Variants in CACNA2D1 observed in about 807,000 individuals in gnomAD.
The protein encoded by CACNA2D1 is voltage-dependent calcium channel subunit alpha-2/delta-1.
A neutral mutation model predicts 171.5 loss-of-function variants in CACNA2D1; 53 were observed. The observed-to-expected ratio is 0.31, with a 90% CI of 0.25 to 0.39. The LOEUF is 0.39. Ranked by LOEUF, CACNA2D1 falls within the 10% of genes least tolerant of loss-of-function variation. The pLI, the probability that CACNA2D1 is intolerant of heterozygous loss-of-function variation, is 1.00. For missense variants in CACNA2D1, 903 were observed against 1,299.8 expected (o/e 0.69, Z 4.69); for synonymous variants, 442 against 443.1 (o/e 1.00, Z 0.03).
At chr7:82,429,786 G>A (rs768064771) in intron 1 of CACNA2D1, among the ~76,000 whole-genome samples, 6 of 151,394 alleles carry the variant, frequency 4.0e-5, no homozygotes, top group Admixed American at 6.6e-5. Context: ...CAATCCTCTG[G>A]GAACTAAGCT....
At chr7:82,247,215 A>G (rs1397245142) in intron 3 of CACNA2D1, among the ~76,000 whole-genome samples, 1 of 152,172 alleles carries the variant, frequency 6.6e-6, no homozygotes, top group African/African-American at 2.4e-5. Flanking sequence ...GGAAATGAAA[A>G]TAGAAAGACC....
chr7:82,090,329 A>C (rs1403011127), intron 6 of CACNA2D1, among the ~76,000 whole-genome samples: 1 of 152,124 alleles, frequency 6.6e-6, no homozygotes, highest in Non-Finnish European at 1.5e-5. Context: ...CTTACTGAAA[A>C]TATAAAATAA....
chr7:82,357,735 T>G lies in CACNA2D1; in HGVS notation c.96-8086A>C, dbSNP rs193158834. Among the ~76,000 whole-genome samples the G allele has an allele frequency of 6.5e-3, 958 of 146,702 alleles. 14 individuals carry two copies. Among genetic ancestry groups the G allele is most frequent in the African/African-American group, 0.022 (891 of 39,972 alleles). On this transcript the variant is annotated intron_variant, in intron 1 of 38. Transcript: ENST00000356860. ...GTGGGGTGGGGGGTGGGGGGAGGGA[T>G]AGCATTAGGAGATATACCTAACGCT... is the stretch of plus-strand genomic sequence containing the variant.
chr7:82,385,412 C>T (rs1200608389), intron 1 of CACNA2D1, among the ~76,000 whole-genome samples: 4 of 152,098 alleles, frequency 2.6e-5, no homozygotes, highest in South Asian at 2.1e-4. Context: ...ATGCTCATGA[C>T]GATAAATGAA....
At chr7:82,233,587 A>T (rs1424762914) in intron 3 of CACNA2D1, among the ~76,000 whole-genome samples, 1 of 152,154 alleles carries the variant, frequency 6.6e-6, no homozygotes, top group Non-Finnish European at 1.5e-5. Context: ...GATCAAGTGA[A>T]GTACACCAGA....
chr7:82,046,279 C>G (rs933466828), intron 10 of CACNA2D1, among the ~76,000 whole-genome samples: 1 of 151,734 alleles, frequency 6.6e-6, no homozygotes, highest in Non-Finnish European at 1.5e-5. Context: ...GTCGTTAATC[C>G]CTGTCCAGGG....
chr7:81,975,020 CT>C (rs1470031130), intron 24 of CACNA2D1, among the ~76,000 whole-genome samples: 2 of 149,622 alleles, frequency 1.3e-5, no homozygotes, highest in East Asian at 4.0e-4. Context: ...TATCCCTGAA[CT>C]TAAAATAAAA....
chr7:81,957,318 T>TTTAC (rs1793518767), intron 38 of CACNA2D1, among the ~76,000 whole-genome samples: 2 of 152,110 alleles, frequency 1.3e-5, no homozygotes, highest in Admixed American at 6.6e-5. Context: ...AAATCAGCTA[T>TTTAC]TTACAAAACA....
intron 7 of CACNA2D1, among the ~76,000 whole-genome samples, chr7:82,080,744 C>G (rs532763650): frequency 6.6e-6 from 1 of 152,256 alleles, no homozygotes; most frequent in Admixed American, 6.5e-5. Context: ...AGTTTCACTA[C>G]GTGGTGTTAT....
At chr7:82,165,213 C>T (rs747615233) in intron 4 of CACNA2D1, among the ~76,000 whole-genome samples, 12 of 151,970 alleles carry the variant, frequency 7.9e-5, no homozygotes, top group Non-Finnish European at 1.6e-4. Flanking sequence ...TTTAACTTTT[C>T]CCTCCTTTCC....
chr7:82,344,358 C>A (rs966778905), intron 2 of CACNA2D1, among the ~76,000 whole-genome samples: 2 of 152,192 alleles, frequency 1.3e-5, no homozygotes, highest in Non-Finnish European at 2.9e-5. Flanking sequence ...TGGCTGAGAA[C>A]CATTGCACTA....
intron 21 of CACNA2D1, among the ~76,000 whole-genome samples, chr7:81,986,943 T>A (rs1797036058): frequency 6.6e-6 from 1 of 152,178 alleles, no homozygotes; most frequent in Non-Finnish European, 1.5e-5. Context: ...TATTGCCCCA[T>A]CAGCATTTAT....
chr7:82,113,178 T>C (rs542826062), intron 6 of CACNA2D1, among the ~76,000 whole-genome samples: 2 of 152,242 alleles, frequency 1.3e-5, no homozygotes, highest in African/African-American at 4.8e-5. Flanking sequence ...CCCTCATTAA[T>C]GTTATTCTTA....
At position 82,443,633 on chromosome 7, in the gene CACNA2D1, C is replaced by T. The variant is rs957006720; in HGVS notation, c.-174G>A. 2.6e-4 allele frequency: 343 copies of T among 1,312,350 alleles called. No homozygotes were observed. The African/African-American group carries it at 4.8e-3, about 18-fold the overall frequency. The allele number at this position is 1,312,350 out of a possible 1,614,324, so 81.3% of individuals were successfully genotyped here. A position where few individuals can be genotyped will look rare whatever the true frequency, so the allele number is the denominator to read the frequency against. ...GCGCGGGGGACGGCAAGGGCGGGAGCGGACGCCGAGGAAGGGGCGGTGGCG... is the reference window on the plus strand; with the variant it reads ...GCGCGGGGGACGGCAAGGGCGGGAGTGGACGCCGAGGAAGGGGCGGTGGCG... On this transcript the variant is annotated 5_prime_UTR_variant, in exon 1 of 39. Transcript: ENST00000356860.
chr7:82,143,896 G>C (rs562372202), intron 4 of CACNA2D1, among the ~76,000 whole-genome samples: 15 of 152,166 alleles, frequency 9.9e-5, no homozygotes, highest in African/African-American at 3.4e-4. Context: ...AAACATGTAG[G>C]GTTCTTTGGT....
intron 1 of CACNA2D1, among the ~76,000 whole-genome samples, chr7:82,439,662 C>T (rs1585972000): frequency 6.6e-6 from 1 of 151,102 alleles, no homozygotes. Flanking sequence ...ATCCAAATAG[C>T]TACACATATA....
intron 1 of CACNA2D1, among the ~76,000 whole-genome samples, chr7:82,411,478 A>G (rs921782884): frequency 8.5e-5 from 13 of 152,234 alleles, no homozygotes; most frequent in African/African-American, 3.1e-4. Flanking sequence ...AATAGATGAC[A>G]CCAATTATTA....
chr7:82,173,244 A>G (rs914307554), intron 3 of CACNA2D1, among the ~76,000 whole-genome samples: 4 of 152,130 alleles, frequency 2.6e-5, no homozygotes, highest in African/African-American at 9.7e-5. Flanking sequence ...ATTCCCTAGG[A>G]GGAAGATAGT....
chr7:82,291,661 A>ATTTTTTTTTTT (rs566911222), intron 3 of CACNA2D1, among the ~76,000 whole-genome samples: 1 of 135,748 alleles, frequency 7.4e-6, no homozygotes, highest in African/African-American at 2.8e-5. Flanking sequence ...ATATATATAT[A>ATTTTTTTTTTT]TTTTTTTTTC....
Sources: gnomAD v4.1 joint callset for allele counts (sites outside exome capture counted in the v4.1 genomes callset) on GRCh38, gnomAD v4.1.1 for gene constraint, MANE v1.5 for transcripts, NCBI Gene and HGNC (gene_info 2026-07-23, HGNC 2026-07-21) for gene names.